The following DOCK7 variants were observed in gnomAD, a reference collection of about 807,000 sequenced individuals.
The protein encoded by DOCK7 is dedicator of cytokinesis 7, also known as dedicator of cytokinesis protein 7.
In DOCK7, 138 loss-of-function variants were observed where a neutral mutation model predicts 271.0. That is an observed-to-expected ratio of 0.51 (90% CI 0.44 to 0.59). The LOEUF (loss-of-function observed/expected upper bound fraction) is 0.59, where lower values mean the gene tolerates loss of function less well. Among genes scored for constraint, DOCK7 ranks in the 20% least tolerant of loss-of-function variants. The probability of loss-of-function intolerance (pLI) is 0.00; values close to 1 mark genes in which losing one functional copy is unlikely to be tolerated. For synonymous variants in DOCK7, 823 were observed against 876.1 expected, an observed-to-expected ratio of 0.94 and a Z score of 1.07; for missense variants, 2,066 against 2,592.4, an observed-to-expected ratio of 0.80 and a Z score of 4.41.
chr1:62,549,162 G>T (rs1246874790), intron 22 of DOCK7, among the ~76,000 whole-genome samples: 1 of 151,964 alleles, frequency 6.6e-6, no homozygotes, highest in African/African-American at 2.4e-5. Context: ...TAAACCAAGA[G>T]GGAAACTAAC....
At chr1:62,547,397 C>T (rs1257247159) in intron 22 of DOCK7, among the ~76,000 whole-genome samples, 5 of 152,124 alleles carry the variant, frequency 3.3e-5, no homozygotes, top group African/African-American at 9.7e-5. Context: ...TGTGTGCCCA[C>T]GTGTATGTAA....
chr1:62,551,413 C>T (rs1330757537), intron 22 of DOCK7, among the ~76,000 whole-genome samples: 4 of 151,276 alleles, frequency 2.6e-5, no homozygotes, highest in Non-Finnish European at 5.9e-5. Flanking sequence ...CAAATTTGTG[C>T]TGAGCTGCAC....
Position 62,660,316 on chromosome 1 carries a change from A to G in DOCK7, c.144+2709T>C, listed in dbSNP as rs1378649269. Among the ~76,000 whole-genome samples the G allele has an allele frequency of 9.2e-5, 14 of 152,244 alleles. 2 individuals are homozygous for G. Among genetic ancestry groups the G allele is most frequent in the Admixed American group, 8.5e-4 (13 of 15,288 alleles). On this transcript the variant is annotated intron_variant, in intron 2 of 49. Transcript: ENST00000635253. ...TTAGAAATTAAACATACTTCTGAAT[A>G]ATCCATGAGTTACAAAAGTCTGAAA...
chr1:62,558,905 G>T (rs1379342226), intron 20 of DOCK7, 84 bp downstream of exon 20: 17 of 1,146,312 alleles, frequency 1.5e-5, no homozygotes, highest in Non-Finnish European at 1.7e-5. Context: ...ATAGCAAATA[G>T]AAATCATGTT....
intron 42 of DOCK7, chr1:62,488,144 A>G (rs1646350988): frequency 6.6e-6 from 1 of 152,370 alleles, no homozygotes; most frequent in Non-Finnish European, 1.5e-5. Flanking sequence ...TCATACTCCA[A>G]CTCCTTTGAC....
chr1:62,680,395 G>A (rs1383432012), intron 1 of DOCK7, among the ~76,000 whole-genome samples: 1 of 152,074 alleles, frequency 6.6e-6, no homozygotes, highest in African/African-American at 2.4e-5. Context: ...ATTCAAGATG[G>A]ATTAAAGACT....
intron 48 of DOCK7, among the ~76,000 whole-genome samples, chr1:62,471,806 C>A (rs528693166): frequency 6.6e-6 from 1 of 152,052 alleles, no homozygotes; most frequent in African/African-American, 2.4e-5. Context: ...ATAATGTAAC[C>A]ATTAAAATTA....
chr1:62,630,241 A>T (rs1377930468), intron 11 of DOCK7, among the ~76,000 whole-genome samples: 1 of 152,172 alleles, frequency 6.6e-6, no homozygotes, highest in African/African-American at 2.4e-5. Flanking sequence ...GTTTTGGGTT[A>T]AATGAGGGTT....
chr1:62,664,134 G>A (rs1658996642), intron 1 of DOCK7, among the ~76,000 whole-genome samples: 1 of 152,180 alleles, frequency 6.6e-6, no homozygotes, highest in African/African-American at 2.4e-5. Flanking sequence ...AACTATGGAA[G>A]ACAGTAAAAA....
chr1:62,652,354 T>C (rs1571908444), intron 4 of DOCK7, among the ~76,000 whole-genome samples: 2 of 152,308 alleles, frequency 1.3e-5, no homozygotes, highest in East Asian at 3.9e-4. Context: ...CTCCCTTTGG[T>C]CTTCCACTTA....
At chr1:62,675,205 A>G (rs1352192272) in intron 1 of DOCK7, among the ~76,000 whole-genome samples, 1 of 152,178 alleles carries the variant, frequency 6.6e-6, no homozygotes, top group Admixed American at 6.5e-5. Flanking sequence ...ACTTGAGCCC[A>G]GGAGTTCAAG....
At chr1:62,515,330 G>C (rs1644630541) in intron 31 of DOCK7, among the ~76,000 whole-genome samples, 1 of 152,060 alleles carries the variant, frequency 6.6e-6, no homozygotes. Context: ...TTGCTATACT[G>C]CTTCTGAGCT....
chr1:62,627,410 C>T (rs1016452411), intron 11 of DOCK7: 1 of 151,972 alleles, frequency 6.6e-6, no homozygotes, highest in Non-Finnish European at 1.5e-5. Flanking sequence ...ATAAAAGGCA[C>T]CCAGACTGAA....
intron 18 of DOCK7, among the ~76,000 whole-genome samples, chr1:62,562,555 G>T (rs755800905): frequency 1.3e-5 from 2 of 151,952 alleles, no homozygotes; most frequent in Non-Finnish European, 2.9e-5. Context: ...GAATGTCAAA[G>T]TTATTTCATA....
intron 21 of DOCK7, among the ~76,000 whole-genome samples, chr1:62,553,488 C>T (rs1373167978): frequency 6.7e-6 from 1 of 149,082 alleles, no homozygotes; most frequent in East Asian, 2.0e-4. Flanking sequence ...CCCACCTCAG[C>T]CTCCTGAGTA....
chr1:62,588,476 A>T (rs1647901320), intron 14 of DOCK7, among the ~76,000 whole-genome samples: 1 of 152,166 alleles, frequency 6.6e-6, no homozygotes, highest in Admixed American at 6.5e-5. Context: ...TTTGTTGAAG[A>T]AAGTGAAGTT....
chr1:62,667,630 G>A (rs1431235316), intron 1 of DOCK7, among the ~76,000 whole-genome samples: 7 of 152,300 alleles, frequency 4.6e-5, no homozygotes, highest in Middle Eastern at 6.8e-3. Context: ...CAGGAGAATC[G>A]CTTGAACCTG....
chr1:62,485,066 G>T, intron 43 of DOCK7: 6 of 819,600 alleles, frequency 7.3e-6, no homozygotes, highest in Non-Finnish European at 8.8e-6. Context: ...CTCAGGAGGT[G>T]TCAAGGCTGC....
intron 49 of DOCK7, 123 bp from the exon 50 acceptor site, chr1:62,455,579 T>G: frequency 1.1e-6 from 1 of 875,274 alleles, no homozygotes; most frequent in Non-Finnish European, 1.8e-6. Context: ...CTTACTAACT[T>G]CCAAGTTGGA....
Sources: gnomAD v4.1 joint callset for allele counts (sites outside exome capture counted in the v4.1 genomes callset) on GRCh38, gnomAD v4.1.1 for gene constraint, MANE v1.5 for transcripts, NCBI Gene and HGNC (gene_info 2026-07-23, HGNC 2026-07-21) for gene names.